Variants in DCAF5 observed in about 807,000 individuals in gnomAD.
DCAF5 encodes DDB1 and CUL4 associated factor 5, also known as DDB1- and CUL4-associated factor 5.
In DCAF5, 9 loss-of-function variants were observed where a neutral mutation model predicts 80.7. That is an observed-to-expected ratio of 0.11 (90% CI 0.07 to 0.19). The LOEUF (loss-of-function observed/expected upper bound fraction) is 0.19, where lower values mean the gene tolerates loss of function less well. Ranked by LOEUF, DCAF5 falls within the 10% of genes least tolerant of loss-of-function variation. The pLI is 1.00. For synonymous variants in DCAF5, 433 were observed against 461.9 expected, an observed-to-expected ratio of 0.94 and a Z score of 0.80; for missense variants, 842 against 1,205.7, an observed-to-expected ratio of 0.70 and a Z score of 4.47.
rs993139064 is a variant in DCAF5, at chr14:69,084,912, C to T, written c.879+6762G>A. 37 of 1,402,572 alleles carry T rather than the reference C, an allele frequency of 2.6e-5. No homozygotes were observed. The African/African-American group carries it at 2.7e-4, about 10-fold the overall frequency. 86.9% of individuals were successfully genotyped at this position (1,402,572 alleles called of 1,614,324 possible). On this transcript the variant is annotated intron_variant, in intron 6 of 8. Transcript: ENST00000341516. ...GATGACCCTAAGGAATAATATTCAT[C>T]GTGTGGGTAGAACAGCCAGAGACCT...
intron 5 of DCAF5, among the ~76,000 whole-genome samples, chr14:69,096,726 T>G (rs2039727654): frequency 6.6e-6 from 1 of 152,152 alleles, no homozygotes; most frequent in African/African-American, 2.4e-5. Context: ...TATCATGACT[T>G]TCCACAAAAT....
chr14:69,143,559 T>TTC (rs1320697384), intron 1 of DCAF5, among the ~76,000 whole-genome samples: 2 of 148,430 alleles, frequency 1.3e-5, no homozygotes, highest in Non-Finnish European at 3.0e-5. Flanking sequence ...TAAACTTTTT[T>TTC]TTTTTTTTTT....
Position 69,129,853 on chromosome 14 carries a change from T to C in DCAF5, c.215-7493A>G, listed in dbSNP as rs145255372. Among the ~76,000 whole-genome samples the C allele has an allele frequency of 3.9e-5, 6 of 152,290 alleles. No homozygotes were observed. The East Asian group carries it at 9.7e-4, about 25-fold the overall frequency. On this transcript the variant is annotated intron_variant, in intron 1 of 8. Coordinates refer to ENST00000341516, the MANE Select transcript of DCAF5 (RefSeq NM_003861.3). ...CAGAGGCCAGGCCTTCTAAGCCTGG[T>C]TTCCTCACAAACAATTGCTTACCTT...
chr14:69,080,774 T>A (rs2039070544), intron 6 of DCAF5, among the ~76,000 whole-genome samples: 1 of 152,228 alleles, frequency 6.6e-6, no homozygotes, highest in Non-Finnish European at 1.5e-5. Flanking sequence ...TTTCCTTTTA[T>A]GATGTATGAC....
chr14:69,058,244 C>T (rs1164931289), intron 8 of DCAF5, among the ~76,000 whole-genome samples: 2 of 152,102 alleles, frequency 1.3e-5, no homozygotes, highest in Non-Finnish European at 2.9e-5. Flanking sequence ...GGCAGCCGGG[C>T]GTGGTGGCTC....
At chr14:69,058,795 C>T (rs1016563304) in intron 8 of DCAF5, among the ~76,000 whole-genome samples, 1 of 150,644 alleles carries the variant, frequency 6.6e-6, no homozygotes, top group African/African-American at 2.4e-5. Flanking sequence ...ATCACCTAAG[C>T]CTGGGGAGGT....
At chr14:69,116,534 C>T (rs2040549508) in intron 4 of DCAF5, 39 bp from the exon 5 acceptor site, 3 of 1,595,516 alleles carry the variant, frequency 1.9e-6, no homozygotes, top group Non-Finnish European at 2.6e-6. Flanking sequence ...ACTCCAGGTA[C>T]CTGTGGGCCA....
At chr14:69,151,729 C>A (rs1420821513) in intron 1 of DCAF5, among the ~76,000 whole-genome samples, 1 of 152,122 alleles carries the variant, frequency 6.6e-6, no homozygotes, top group Non-Finnish European at 1.5e-5. Context: ...CCACCGGCAG[C>A]AGGCGCACCT....
intron 1 of DCAF5, among the ~76,000 whole-genome samples, chr14:69,135,862 T>C (rs1021681312): frequency 6.6e-6 from 1 of 152,200 alleles, no homozygotes; most frequent in South Asian, 2.1e-4. Context: ...GAACCAGTAT[T>C]TTCCAAATGA....
chr14:69,120,492 G>C (rs1351262932), intron 2 of DCAF5, among the ~76,000 whole-genome samples: 1 of 152,052 alleles, frequency 6.6e-6, no homozygotes, highest in Non-Finnish European at 1.5e-5. Context: ...TTCTATCAAA[G>C]GATATAAATT....
chr14:69,076,140 A>T (rs2038889282), intron 6 of DCAF5, among the ~76,000 whole-genome samples: 1 of 152,108 alleles, frequency 6.6e-6, no homozygotes, highest in Non-Finnish European at 1.5e-5. Flanking sequence ...ATTGACAAGT[A>T]TTGGCAAGGA....
chr14:69,053,899 T>C lies in DCAF5; in HGVS notation c.2787A>G (p.Thr929=). The stretch of plus-strand genomic sequence containing the variant: ...TCTCTGAGGAGGAATTCTCTGAATC[T>C]GTATCTTCCAATTCAATTCGTTGCC... ...LKRQRIELED[T]DSENSSSEKK... is the part of the protein sequence containing the mutation. Residue 929 remains threonine, a synonymous_variant, in exon 9 of 9, where the codon ACA becomes ACG. Coordinates refer to ENST00000341516, the MANE Select transcript of DCAF5 (RefSeq NM_003861.3). 1 of 1,611,168 alleles carries C rather than the reference T, an allele frequency of 6.2e-7. No homozygotes were observed. The highest frequency in any genetic ancestry group is 1.7e-5 in the Admixed American group (1 of 59,532).
chr14:69,098,201 C>T (rs1386666758), intron 5 of DCAF5, among the ~76,000 whole-genome samples: 2 of 152,122 alleles, frequency 1.3e-5, no homozygotes, highest in South Asian at 2.1e-4. Flanking sequence ...CTAGAACATG[C>T]CAGGCATGCT....
intron 5 of DCAF5, among the ~76,000 whole-genome samples, chr14:69,102,634 C>A (rs971122273): frequency 3.7e-5 from 3 of 80,320 alleles, no homozygotes; most frequent in Non-Finnish European, 5.6e-5. Flanking sequence ...TAGCCTAGAC[C>A]TACACAGGGT....
rs953280290 is a variant in DCAF5, at chr14:69,055,298, G to A, written c.1388C>T (p.Ala463Val). ...GGGAGGCGGGGAGCGAGGCAATGAG[G>A]CCGAAGACTCTGAGTCAGTGTAGCC... The part of the protein sequence containing the change: ...RSGYTDSESS[A>V]SLPRSPPPTV... Residue 463 changes from alanine to valine, a missense_variant, in exon 9 of 9, where the codon GCC becomes GTC. Transcript: ENST00000341516. This position sits in a 1 kb window ranked among gnomAD's most constrained non-coding sequence, Gnocchi z 5.6. 1 of 1,614,190 alleles carries A rather than the reference G, an allele frequency of 6.2e-7. No homozygotes were observed. Among genetic ancestry groups the A allele is most frequent in the South Asian group, 1.1e-5 (1 of 91,088 alleles).
At chr14:69,142,450 G>A (rs531297608) in intron 1 of DCAF5, among the ~76,000 whole-genome samples, 1 of 152,326 alleles carries the variant, frequency 6.6e-6, no homozygotes, top group East Asian at 1.9e-4. Flanking sequence ...TTCAGTGAAT[G>A]GCCATGAAAG....
intron 1 of DCAF5, among the ~76,000 whole-genome samples, chr14:69,142,174 C>T (rs991468644): frequency 1.3e-5 from 2 of 152,104 alleles, no homozygotes; most frequent in African/African-American, 4.8e-5. Context: ...ATGGTGCATG[C>T]CAGTAGTCCC....
In DCAF5 at chr14:69,081,916, T is replaced by C. The variant is rs143080357; in HGVS notation, c.880-6505A>G. Among the ~76,000 whole-genome samples the C allele has an allele frequency of 7.5e-4, 114 of 152,334 alleles. 2 individuals are homozygous for C. The highest frequency in any genetic ancestry group is 1.6e-3 in the Admixed American group (25 of 15,298). The stretch of plus-strand genomic sequence containing the variant: ...CAAAGGCTCCTTCCATAGTAATTGA[T>C]TAATGATTCTCCAGTAAATGGCATG... On this transcript the variant is annotated intron_variant, in intron 6 of 8. Transcript: ENST00000341516.
chr14:69,120,844 A>G (rs778390104), intron 2 of DCAF5, among the ~76,000 whole-genome samples: 24 of 152,222 alleles, frequency 1.6e-4, no homozygotes, highest in Non-Finnish European at 1.9e-4. Flanking sequence ...GAACAGTCCA[A>G]CTGGACAAAC....
Sources: gnomAD v4.1 joint callset for allele counts (sites outside exome capture counted in the v4.1 genomes callset) on GRCh38, gnomAD v4.1.1 for gene constraint, Gnocchi (gnomAD v3.1) non-coding constraint, MANE v1.5 for transcripts, NCBI Gene and HGNC (gene_info 2026-07-23, HGNC 2026-07-21) for gene names.